TMBIM4: variants seen among roughly 807,000 people sequenced by gnomAD.
The protein encoded by TMBIM4 is protein lifeguard 4.
In TMBIM4, 28 loss-of-function variants were observed where a neutral mutation model predicts 27.7. That is an observed-to-expected ratio of 1.01 (90% confidence interval 0.75 to 1.38). The LOEUF is 1.38. TMBIM4 is among the 40% of genes most tolerant of loss of function. The probability of loss-of-function intolerance (pLI) is 0.00; values close to 1 mark genes in which losing one functional copy is unlikely to be tolerated. For synonymous variants in TMBIM4, 115 were observed against 113.1 expected (o/e 1.02, Z -0.11); for missense variants, 265 against 277.5 (o/e 0.95, Z 0.32).
intron 5 of TMBIM4, among the ~76,000 whole-genome samples, chr12:66,145,014 C>T (rs757804754): frequency 3.4e-4 from 52 of 152,006 alleles, no homozygotes; most frequent in Non-Finnish European, 5.0e-4. Context: ...ATCATATATG[C>T]CACACAAATA....
chr12:66,146,813 G>T (rs996293573), intron 4 of TMBIM4, among the ~76,000 whole-genome samples: 5 of 152,116 alleles, frequency 3.3e-5, no homozygotes, highest in Non-Finnish European at 5.9e-5. Flanking sequence ...GCCATTACAG[G>T]ATTAGGAAGG....
At position 66,146,091 on chromosome 12, in the gene TMBIM4, T is replaced by C. The variant is rs983160555; in HGVS notation, c.347-133A>G. On this transcript the variant is annotated intron_variant, in intron 4 of 6. Transcript: ENST00000358230. ...ATAAAAACAATTAGAAAAGATTTCT[T>C]ATCCATCCTTGACTACATGGGTACA... The C allele has an allele frequency of 5.5e-6, 3 of 545,680 alleles. 1 individual carries two copies. The highest frequency in any genetic ancestry group is 9.9e-4 in the Middle Eastern group (2 of 2,016). 33.8% of individuals were successfully genotyped at this position (545,680 alleles called of 1,614,324 possible). A position where few individuals can be genotyped will look rare whatever the true frequency, so the allele number is the denominator to read the frequency against.
At chr12:66,157,615 G>GA (rs1188434826) in intron 1 of TMBIM4, among the ~76,000 whole-genome samples, 1 of 152,188 alleles carries the variant, frequency 6.6e-6, no homozygotes, top group African/African-American at 2.4e-5. Context: ...GGCAATAGAT[G>GA]AAAGCTGGCA....
chr12:66,155,313 A>C (rs1313797785), intron 1 of TMBIM4, among the ~76,000 whole-genome samples: 2 of 143,912 alleles, frequency 1.4e-5, no homozygotes, highest in Non-Finnish European at 3.1e-5. Flanking sequence ...CCACACCAGG[A>C]TGGGGTGTGT....
chr12:66,152,826 C>A (rs571936960), intron 2 of TMBIM4, among the ~76,000 whole-genome samples: 69 of 152,090 alleles, frequency 4.5e-4, no homozygotes, highest in Non-Finnish European at 8.2e-4. Context: ...AAATTCTCTA[C>A]TTCTATGAAA....
At chr12:66,147,624 G>T (rs1272870893) in intron 4 of TMBIM4, among the ~76,000 whole-genome samples, 2 of 152,090 alleles carry the variant, frequency 1.3e-5, no homozygotes, top group African/African-American at 2.4e-5. Flanking sequence ...TTTAAATTAG[G>T]GAAAAGATTA....
At chr12:66,147,213 A>G (rs892873182) in intron 4 of TMBIM4, among the ~76,000 whole-genome samples, 2 of 152,150 alleles carry the variant, frequency 1.3e-5, no homozygotes, top group Non-Finnish European at 2.9e-5. Flanking sequence ...AGAAAGGTTA[A>G]AAAAACTAAT....
intron 4 of TMBIM4, among the ~76,000 whole-genome samples, chr12:66,146,750 A>G (rs1007513127): frequency 2.0e-5 from 3 of 151,966 alleles, no homozygotes; most frequent in African/African-American, 7.3e-5. Context: ...GGGAGTAATT[A>G]TTCATGTTCT....
At chr12:66,146,400 C>CA (rs1433994138) in intron 4 of TMBIM4, among the ~76,000 whole-genome samples, 1 of 152,140 alleles carries the variant, frequency 6.6e-6, no homozygotes, top group Non-Finnish European at 1.5e-5. Flanking sequence ...ATCCAGCAAT[C>CA]ATCTAGTTAG....
At chr12:66,148,073 T>C (rs1291165508) in intron 3 of TMBIM4, 132 bp from the exon 4 acceptor site, 5 of 682,332 alleles carry the variant, frequency 7.3e-6, no homozygotes, top group Admixed American at 3.3e-5. Flanking sequence ...CTGCGAAGTA[T>C]ATGGGGCAGT....
At chr12:66,169,323 T>C (rs1967338) in intron 1 of TMBIM4, 15,617 of 692,848 alleles carry the variant, frequency 0.023, 692 homozygotes, top group African/African-American at 0.15. Flanking sequence ...ACTTCCTCAA[T>C]AATCCTCAAA....
At chr12:66,150,201 A>G (rs2136862240) in intron 3 of TMBIM4, among the ~76,000 whole-genome samples, 1 of 152,306 alleles carries the variant, frequency 6.6e-6, no homozygotes, top group South Asian at 2.1e-4. Context: ...TGTAGATGCG[A>G]AGAGGAATTC....
In TMBIM4 at chr12:66,158,378, T is replaced by C. The variant is rs185083454; in HGVS notation, c.98-4930A>G. 7.6e-3 allele frequency among the ~76,000 whole-genome samples: 1,154 copies of C among 151,668 alleles called. 11 individuals are homozygous for C. Among genetic ancestry groups the C allele is most frequent in the African/African-American group, 0.026 (1,072 of 41,292 alleles). On this transcript the variant is annotated intron_variant, in intron 1 of 6. Transcript: ENST00000358230. The stretch of plus-strand genomic sequence containing the variant: ...CATTCAGGCCGGGTGCAGTGGCTCA[T>C]GCCTGTAATCCCAGCACTTTGGGAG...
chr12:66,155,335 TGAGAGAGAGAGA>T (rs71697123), intron 1 of TMBIM4, among the ~76,000 whole-genome samples: 2 of 131,600 alleles, frequency 1.5e-5, no homozygotes, highest in African/African-American at 5.2e-5. Flanking sequence ...TGCACACGTG[TGAGAGAGAGAGA>T]GAGAGAGAGA....
chr12:66,158,233 A>AAC (rs1189393132), intron 1 of TMBIM4, among the ~76,000 whole-genome samples: 1 of 151,436 alleles, frequency 6.6e-6, no homozygotes, highest in Non-Finnish European at 1.5e-5. Flanking sequence ...CTCACAAAAA[A>AAC]AAAAAAAACA....
chr12:66,138,810 T>TA, intron 5 of TMBIM4, 41 bp from the exon 6 acceptor site: 1 of 1,452,512 alleles, frequency 6.9e-7, no homozygotes, highest in Non-Finnish European at 9.1e-7. Context: ...TATTGTTCCT[T>TA]ACAAAAAAAC....
At position 66,147,960 on chromosome 12, in the gene TMBIM4, A is replaced by T. The variant is rs1433886252; in HGVS notation, c.313-19T>A. On this transcript the variant is annotated intron_variant, in intron 3 of 6. Transcript: ENST00000358230. ...ACAGCGTCTAATGAAAAGAAACTTA[A>T]ATTAGTGACTGTAAAATTTATACTA... The T allele has an allele frequency of 1.2e-6, 2 of 1,607,308 alleles. No homozygotes were observed. The highest frequency in any genetic ancestry group is 1.7e-6 in the Non-Finnish European group (2 of 1,175,922).
intron 5 of TMBIM4, chr12:66,139,720 A>G (rs2051635950): frequency 2.2e-6 from 1 of 455,940 alleles, no homozygotes; most frequent in African/African-American, 2.0e-5. Flanking sequence ...GGATTCCCCT[A>G]GAGTCTGTAG....
chr12:66,169,071 C>A, intron 1 of TMBIM4: 1 of 432,040 alleles, frequency 2.3e-6, no homozygotes, highest in Non-Finnish European at 4.1e-6. Context: ...AAGTTCTAGG[C>A]ACTAAGATTC....
Sources: gnomAD v4.1 joint callset for allele counts (sites outside exome capture counted in the v4.1 genomes callset) on GRCh38, gnomAD v4.1.1 for gene constraint, MANE v1.5 for transcripts, NCBI Gene and HGNC (gene_info 2026-07-23, HGNC 2026-07-21) for gene names.